Variants in WSB1 observed in about 807,000 individuals in gnomAD.
WSB1 encodes WD repeat and SOCS box containing 1.
A neutral mutation model predicts 50.2 loss-of-function variants in WSB1; 23 were observed. That is an observed-to-expected ratio of 0.46 (90% confidence interval 0.33 to 0.65). The LOEUF is 0.65. WSB1 is among the 30% of genes least tolerant of loss of function. The pLI is 0.02. For missense variants in WSB1, 492 were observed against 522.3 expected, an observed-to-expected ratio of 0.94 and a Z score of 0.56; for synonymous variants, 179 against 172.0, an observed-to-expected ratio of 1.04 and a Z score of -0.32.
chr17:27,313,665 G>A lies in WSB1; in HGVS notation c.*1296G>A, dbSNP rs1376052584. 1 of 152,094 alleles carries A rather than the reference G, an allele frequency of 6.6e-6. No homozygotes were observed. The highest frequency in any genetic ancestry group is 2.4e-5 in the African/African-American group (1 of 41,350). 9.4% of individuals were successfully genotyped at this position (152,094 alleles called of 1,614,324 possible). ...TGCAAATGTTTCTTAAATAGGTTAG[G>A]TGGAGTACTTTCTCTCTGTCTCCAT... is the stretch of plus-strand genomic sequence containing the variant. On this transcript the variant is annotated 3_prime_UTR_variant, in exon 9 of 9. Transcript: ENST00000262394.
chr17:27,296,199 A>C (rs189266027), intron 1 of WSB1, among the ~76,000 whole-genome samples: 1 of 151,614 alleles, frequency 6.6e-6, no homozygotes, highest in Admixed American at 6.6e-5. Context: ...AGAACCATCC[A>C]CTAAGTGTTC....
rs1347876509 is a variant in WSB1 at position 27,309,244 on chromosome 17, C to T, written c.856C>T (p.His286Tyr). Residue 286 changes from histidine (H) to tyrosine (Y), a missense_variant, in exon 6 of 9, where the codon CAT becomes TAT. His to Tyr is a moderately conservative substitution (Grantham distance 83). Transcript: ENST00000262394. The part of the protein sequence containing the change: ...YDTRVYIWDP[H>Y]NGDILMEFGH... ...TACTCGAGTATATATCTGGGATCCA[C>T]ATAATGGAGACATTCTGATGGAATT... The T allele has an allele frequency of 2.5e-6, 4 of 1,609,290 alleles. No individual in the cohort carries two copies. The highest frequency in any genetic ancestry group is 3.4e-6 in the Non-Finnish European group (4 of 1,177,596).
chr17:27,306,867 C>A lies in WSB1; in HGVS notation c.696C>A (p.Val232=). 1 of 1,614,084 alleles carries A rather than the reference C, an allele frequency of 6.2e-7. No homozygotes were observed. Among genetic ancestry groups the A allele is most frequent in the Non-Finnish European group, 8.5e-7 (1 of 1,180,012 alleles). The change falls in exon 5 of 9, where the codon GTC becomes GTA. Residue 232 remains valine (V), a synonymous_variant. Coordinates refer to ENST00000262394, the MANE Select transcript of WSB1 (RefSeq NM_015626.10). ...CTGACTCTTCTATGCTGTGTTCAGTCGGAGCCAGTAAAGCAGTACGTGTCA... is the reference window on the plus strand; with the variant it reads ...CTGACTCTTCTATGCTGTGTTCAGTAGGAGCCAGTAAAGCAGTACGTGTCA... ...FSPDSSMLCS[V]GASKAVFLWN...
chr17:27,297,804 A>T (rs2017043966), intron 1 of WSB1, among the ~76,000 whole-genome samples: 2 of 152,052 alleles, frequency 1.3e-5, no homozygotes, highest in Non-Finnish European at 2.9e-5. Flanking sequence ...AAAAATATAG[A>T]GTAACCTTAA....
At chr17:27,300,027 A>AT (rs2150830338) in intron 1 of WSB1, among the ~76,000 whole-genome samples, 1 of 152,292 alleles carries the variant, frequency 6.6e-6, no homozygotes, top group East Asian at 1.9e-4. Context: ...CAGATAACAT[A>AT]TTTAAATCAC....
chr17:27,310,220 C>G lies in WSB1; in HGVS notation c.998+46C>G, dbSNP rs371335506. On this transcript the variant is annotated intron_variant, in intron 7 of 8. Coordinates refer to ENST00000262394, the MANE Select transcript of WSB1 (RefSeq NM_015626.10). ...TTGACTGACTTACTATTACCTTTTACATTCTTAAGCCTTAAAGCCTTTCTG... is the reference window on the plus strand; with the variant it reads ...TTGACTGACTTACTATTACCTTTTAGATTCTTAAGCCTTAAAGCCTTTCTG... The G allele has an allele frequency of 2.7e-5, 42 of 1,560,908 alleles. No individual in the cohort carries two copies. In the African/African-American group the frequency reaches 4.9e-4, roughly 18 times the overall value.
intron 1 of WSB1, among the ~76,000 whole-genome samples, chr17:27,300,944 A>C (rs2017202712): frequency 6.6e-6 from 1 of 151,538 alleles, no homozygotes; most frequent in African/African-American, 2.4e-5. Context: ...GTGCAGTGGC[A>C]CTTTCTTGGC....
At position 27,308,115 on chromosome 17, in the gene WSB1, A is replaced by G. The variant is rs189263036; in HGVS notation, c.712-985A>G. 410 of 1,066,320 alleles carry G rather than the reference A, an allele frequency of 3.8e-4. No individual in the cohort carries two copies. In the African/African-American group the frequency reaches 6.2e-3, roughly 16 times the overall value. The allele number at this position is 1,066,320 out of a possible 1,614,324, so 66.1% of individuals were successfully genotyped here. A position where few individuals can be genotyped will look rare whatever the true frequency, so the allele number is the denominator to read the frequency against. On this transcript the variant is annotated intron_variant, in intron 5 of 8. Coordinates refer to ENST00000262394, the MANE Select transcript of WSB1 (RefSeq NM_015626.10). ...TGGTTTCTCTGTGCTATTTTTTGGA[A>G]TTCTTTCAGATTCCAGAGATATCTT...
rs144432959 is a variant in WSB1 at position 27,294,268 on chromosome 17, C to G, written c.-128C>G. 4 of 1,320,224 alleles carry G rather than the reference C, an allele frequency of 3.0e-6. No individual in the cohort carries two copies. The highest frequency in any genetic ancestry group is 3.1e-6 in the Non-Finnish European group (3 of 965,454). 81.8% of individuals were successfully genotyped at this position (1,320,224 alleles called of 1,614,324 possible). A position where few individuals can be genotyped will look rare whatever the true frequency, so the allele number is the denominator to read the frequency against. Reference sequence around the variant, plus strand: ...AGTTAGCAGAAGCCGCAGCGGCCGCCCCCGCCCGTCTCCTCTGTCCCTGGG... The same window carrying G: ...AGTTAGCAGAAGCCGCAGCGGCCGCGCCCGCCCGTCTCCTCTGTCCCTGGG... On this transcript the variant is annotated 5_prime_UTR_variant, in exon 1 of 9. Coordinates refer to ENST00000262394, the MANE Select transcript of WSB1 (RefSeq NM_015626.10).
intron 5 of WSB1, 53 bp downstream of exon 5, chr17:27,306,935 T>TAATTA (rs2017487016): frequency 2.0e-6 from 3 of 1,513,778 alleles, no homozygotes; most frequent in Non-Finnish European, 2.7e-6. Context: ...TGATAATGTG[T>TAATTA]GCATAATCAT....
intron 5 of WSB1, 130 bp downstream of exon 5, chr17:27,307,012 G>T: frequency 1.2e-6 from 1 of 817,806 alleles, no homozygotes; most frequent in Admixed American, 2.9e-5. Context: ...TTTATTTCAT[G>T]ATGGGGGAGA....
intron 1 of WSB1, among the ~76,000 whole-genome samples, chr17:27,300,308 T>C (rs1316004187): frequency 6.6e-6 from 1 of 152,120 alleles, no homozygotes; most frequent in Non-Finnish European, 1.5e-5. Context: ...TATTATACAG[T>C]GTACAATTGA....
intron 2 of WSB1, among the ~76,000 whole-genome samples, chr17:27,302,231 T>C (rs1322273853): frequency 6.6e-6 from 1 of 151,934 alleles, no homozygotes; most frequent in Non-Finnish European, 1.5e-5. Flanking sequence ...GCCAACATGG[T>C]GAAACCCCAT....
At chr17:27,311,910 A>C (rs2017701070) in intron 8 of WSB1, among the ~76,000 whole-genome samples, 1 of 151,770 alleles carries the variant, frequency 6.6e-6, no homozygotes, top group South Asian at 2.1e-4. Flanking sequence ...AACTTCCCAA[A>C]GTGCTGGGAT....
Position 27,308,480 on chromosome 17 carries a change from GTAT to G in WSB1, c.712-615_712-613del, listed in dbSNP as rs1262037395. ...AATTTTGATTTATTGAAATGTAATT[GTAT>G]TATTTTCATAAAATAGCATTTTCAT... On this transcript the variant is annotated intron_variant, in intron 5 of 8. Coordinates refer to ENST00000262394, the MANE Select transcript of WSB1 (RefSeq NM_015626.10). 6 of 984,798 alleles carry G rather than the reference GTAT, an allele frequency of 6.1e-6. No homozygotes were observed. The African/African-American group carries it at 1.0e-4, about 17-fold the overall frequency. The allele number at this position is 984,798 out of a possible 1,614,324, so 61.0% of individuals were successfully genotyped here.
At position 27,294,356 on chromosome 17, in the gene WSB1, G is replaced by C. The variant is rs778758254; in HGVS notation, c.-40G>C. On this transcript the variant is annotated 5_prime_UTR_variant, in exon 1 of 9. Coordinates refer to ENST00000262394, the MANE Select transcript of WSB1 (RefSeq NM_015626.10). ...GTCGCCACTCTCTTCTCTGTTGTTG[G>C]GTCCGCATCGTATTCCCGGAATCAG... 6.2e-7 allele frequency: 1 copy of C among 1,611,722 alleles called. No individual in the cohort carries two copies. The highest frequency in any genetic ancestry group is 1.1e-5 in the South Asian group (1 of 90,810).
Position 27,311,633 on chromosome 17 carries a change from CTTTTTTTTT to C in WSB1, c.1106+35_1106+43del, listed in dbSNP as rs142949229. 61 of 491,072 alleles carry C rather than the reference CTTTTTTTTT, an allele frequency of 1.2e-4. No individual in the cohort carries two copies. The highest frequency in any genetic ancestry group is 5.0e-4 in the South Asian group (18 of 35,954). 30.4% of individuals were successfully genotyped at this position (491,072 alleles called of 1,614,324 possible). ...AGCTGCTGGGTAAATATATTTTTCT[CTTTTTTTTT>C]TTTTTTTTTTTTTTTTTGAGATGTA... On this transcript the variant is annotated intron_variant, in intron 8 of 8. Transcript: ENST00000262394.
chr17:27,309,029 T>G, intron 5 of WSB1, 71 bp from the exon 6 acceptor site: 3 of 1,457,952 alleles, frequency 2.1e-6, no homozygotes, highest in Non-Finnish European at 2.7e-6. Context: ...TTTAGCAGTT[T>G]TAGTATAAGA....
chr17:27,310,247 A>G, intron 7 of WSB1, 73 bp downstream of exon 7: 3 of 1,402,188 alleles, frequency 2.1e-6, no homozygotes, highest in East Asian at 2.3e-5. Flanking sequence ...GCCTTTCTGC[A>G]GTTAAGAGTT....
Sources: allele counts gnomAD v4.1 joint callset (sites outside exome capture counted in the v4.1 genomes callset), GRCh38; gene constraint gnomAD v4.1.1; transcripts MANE v1.5; gene names NCBI Gene and HGNC (gene_info 2026-07-23, HGNC 2026-07-21).